The following PTPRD variants were observed in gnomAD, a reference collection of about 807,000 sequenced individuals.
PTPRD encodes receptor-type tyrosine-protein phosphatase delta.
A neutral mutation model predicts 214.5 loss-of-function variants in PTPRD; 34 were observed. That is an observed-to-expected ratio of 0.16 (90% CI 0.12 to 0.21). The LOEUF is 0.21. PTPRD is among the 10% of genes least tolerant of loss of function. The pLI, the probability that PTPRD is intolerant of heterozygous loss-of-function variation, is 1.00. For missense variants in PTPRD, 2,545 were observed against 2,398.7 expected (o/e 1.06, Z -1.27); for synonymous variants, 1,128 against 845.7 (o/e 1.33, Z -5.79).
chr9:9,821,357 G>C (rs891881592), intron 5 of PTPRD, among the ~76,000 whole-genome samples: 51 of 152,248 alleles, frequency 3.3e-4, no homozygotes, highest in African/African-American at 1.2e-3. Flanking sequence ...TGGGGTATGT[G>C]GTAGGGTGGA....
intron 5 of PTPRD, among the ~76,000 whole-genome samples, chr9:9,929,695 A>C (rs2085691030): frequency 6.6e-6 from 1 of 152,182 alleles, no homozygotes; most frequent in African/African-American, 2.4e-5. Context: ...CCTGGCCAAG[A>C]AAACACTTTT....
chr9:9,758,969 C>T (rs1461255603), intron 6 of PTPRD, among the ~76,000 whole-genome samples: 1 of 151,980 alleles, frequency 6.6e-6, no homozygotes, highest in African/African-American at 2.4e-5. Flanking sequence ...AAGTATGTTA[C>T]CCAGCAAGAA....
rs116849734 is a variant in PTPRD, at chr9:10,013,802, A to G, written c.-472+19916T>C. 4.3e-3 allele frequency among the ~76,000 whole-genome samples: 656 copies of G among 152,020 alleles called. 1 individual carries two copies. Among genetic ancestry groups the G allele is most frequent in the Non-Finnish European group, 6.6e-3 (448 of 67,828 alleles). ...GTTTTAAATTTCTGCTAGCTATTTT[A>G]TATTTTGGTTCACATAATAATGTTC... On this transcript the variant is annotated intron_variant, in intron 4 of 45. Transcript: ENST00000381196.
chr9:9,009,408 CTATTTTATTTTATTT>C (rs36233452), intron 11 of PTPRD, among the ~76,000 whole-genome samples: 1 of 151,334 alleles, frequency 6.6e-6, no homozygotes, highest in Admixed American at 6.6e-5. Flanking sequence ...GCAGTTCTTT[CTATTTTATTTTATTT>C]TATTTTATTT....
chr9:8,722,149 G>C (rs1449214937), intron 12 of PTPRD, among the ~76,000 whole-genome samples: 1 of 139,522 alleles, frequency 7.2e-6, no homozygotes. Context: ...GTGTGTGTGT[G>C]TGTGTGTGTG....
chr9:10,438,579 C>T (rs1232589253), intron 2 of PTPRD, among the ~76,000 whole-genome samples: 1 of 151,606 alleles, frequency 6.6e-6, no homozygotes, highest in Admixed American at 6.6e-5. Context: ...TTTCACATTC[C>T]ATTATTATAA....
intron 8 of PTPRD, among the ~76,000 whole-genome samples, chr9:9,441,189 G>C (rs2087575319): frequency 6.6e-6 from 1 of 152,076 alleles, no homozygotes; most frequent in Non-Finnish European, 1.5e-5. Context: ...ACTACCTGAC[G>C]ACAAGACTCC....
At chr9:10,078,514 T>TAAAAAAAAA in intron 3 of PTPRD, among the ~76,000 whole-genome samples, 1 of 78,762 alleles carries the variant, frequency 1.3e-5, no homozygotes, top group Non-Finnish European at 2.4e-5. Flanking sequence ...AGACTCCATC[T>TAAAAAAAAA]AAAAAAAAAA....
intron 8 of PTPRD, among the ~76,000 whole-genome samples, chr9:9,544,343 A>G (rs1210217920): frequency 1.3e-5 from 2 of 151,692 alleles, no homozygotes; most frequent in Non-Finnish European, 3.0e-5. Context: ...AATATCATTT[A>G]ATCAATGAAG....
At position 10,036,491 on chromosome 9, in the gene PTPRD, CAT is replaced by C. The variant is rs1327388076; in HGVS notation, c.-544-2703_-544-2702del. On this transcript the variant is annotated intron_variant, in intron 3 of 45. Transcript: ENST00000381196. ...TCAAAACAAATAGCAGCAAGGCACA[CAT>C]ACACACACTCATGCACACACACACA... 4.9e-4 allele frequency among the ~76,000 whole-genome samples: 66 copies of C among 134,502 alleles called. No homozygotes were observed. In the South Asian group the frequency reaches 0.015, roughly 31 times the overall value. 88.2% of individuals were successfully genotyped at this position (134,502 alleles called of 152,430 possible).
intron 9 of PTPRD, among the ~76,000 whole-genome samples, chr9:9,227,233 T>C (rs927060418): frequency 1.3e-5 from 2 of 152,100 alleles, no homozygotes. Context: ...GAGTAATTTT[T>C]TTCCATTTCT....
chr9:10,509,459 T>C (rs2047194534), intron 2 of PTPRD, among the ~76,000 whole-genome samples: 1 of 97,258 alleles, frequency 1.0e-5, no homozygotes. Flanking sequence ...CCTGTGCCCT[T>C]TTGATTGATC....
At chr9:9,922,207 C>A (rs1314658678) in intron 5 of PTPRD, among the ~76,000 whole-genome samples, 1 of 152,088 alleles carries the variant, frequency 6.6e-6, no homozygotes, top group Non-Finnish European at 1.5e-5. Flanking sequence ...GAGAAAAATT[C>A]ATCAAGTTCT....
intron 11 of PTPRD, among the ~76,000 whole-genome samples, chr9:8,876,642 C>T (rs1194444925): frequency 6.6e-6 from 1 of 152,178 alleles, no homozygotes; most frequent in Non-Finnish European, 1.5e-5. Flanking sequence ...AGTTAATATA[C>T]TCTGATCATT....
intron 11 of PTPRD, among the ~76,000 whole-genome samples, chr9:8,759,407 T>C (rs971961874): frequency 1.4e-4 from 21 of 152,044 alleles, no homozygotes; most frequent in African/African-American, 4.6e-4. Context: ...AGGCAACTAA[T>C]ATTTTAAAGC....
intron 8 of PTPRD, among the ~76,000 whole-genome samples, chr9:9,551,092 T>C (rs2080108430): frequency 6.6e-6 from 1 of 151,974 alleles, no homozygotes. Flanking sequence ...ACTCAATTTA[T>C]AATTTAATGT....
intron 14 of PTPRD, among the ~76,000 whole-genome samples, chr9:8,602,390 A>G (rs1413995876): frequency 6.6e-6 from 1 of 152,164 alleles, no homozygotes. Flanking sequence ...CCACTTATAA[A>G]TAGGATGACA....
chr9:9,713,945 GTA>G (rs1564708870), intron 7 of PTPRD, among the ~76,000 whole-genome samples: 1 of 151,960 alleles, frequency 6.6e-6, no homozygotes, highest in African/African-American at 2.4e-5. Flanking sequence ...TTCCAGGAAG[GTA>G]GGTTACCCTC....
chr9:9,242,527 G>A (rs1235006517), intron 9 of PTPRD, among the ~76,000 whole-genome samples: 3 of 152,054 alleles, frequency 2.0e-5, no homozygotes, highest in Non-Finnish European at 4.4e-5. Flanking sequence ...CATATTTCTT[G>A]GAGGCTTTGT....
Sources: gnomAD v4.1 joint callset for allele counts (sites outside exome capture counted in the v4.1 genomes callset) on GRCh38, gnomAD v4.1.1 for gene constraint, MANE v1.5 for transcripts, NCBI Gene and HGNC (gene_info 2026-07-23, HGNC 2026-07-21) for gene names.